The following HUNK variants were observed in gnomAD, a reference collection of about 807,000 sequenced individuals.
HUNK encodes hormonally up-regulated neu tumor-associated kinase.
In HUNK, 21 loss-of-function variants were observed where a neutral mutation model predicts 61.0. That is an observed-to-expected ratio of 0.34 (90% CI 0.24 to 0.50). The LOEUF is 0.50. Among genes scored for constraint, HUNK ranks in the 20% least tolerant of loss-of-function variants. The probability of loss-of-function intolerance (pLI) is 0.98; values close to 1 mark genes in which losing one functional copy is unlikely to be tolerated. For synonymous variants in HUNK, 371 were observed against 386.1 expected (o/e 0.96, Z 0.46); for missense variants, 772 against 945.7 (o/e 0.82, Z 2.41).
intron 9 of HUNK, among the ~76,000 whole-genome samples, chr21:31,990,700 T>G (rs2053166933): frequency 6.6e-6 from 1 of 151,972 alleles, no homozygotes; most frequent in African/African-American, 2.4e-5. Context: ...CACGCCTGGC[T>G]AGCTTTTGTA....
At chr21:31,899,835 T>G (rs1425076249) in intron 1 of HUNK, among the ~76,000 whole-genome samples, 1 of 151,946 alleles carries the variant, frequency 6.6e-6, no homozygotes, top group East Asian at 1.9e-4. Context: ...TGGAGTTCAG[T>G]GGTGCGTTCT....
chr21:31,923,193 C>T (rs989833345), intron 1 of HUNK, among the ~76,000 whole-genome samples: 5 of 152,182 alleles, frequency 3.3e-5, no homozygotes, highest in South Asian at 2.1e-4. Context: ...CCTTTGACGC[C>T]GGTGCTTTGG....
At chr21:31,948,847 A>G (rs116151008) in intron 4 of HUNK, among the ~76,000 whole-genome samples, 2,241 of 152,240 alleles carry the variant, frequency 0.015, 58 homozygotes, top group African/African-American at 0.051. Flanking sequence ...TTGAGAAGAA[A>G]CAGACCAGAA....
intron 6 of HUNK, among the ~76,000 whole-genome samples, chr21:31,971,199 C>T (rs991412264): frequency 6.6e-6 from 1 of 152,134 alleles, no homozygotes; most frequent in African/African-American, 2.4e-5. Context: ...CTGCCTCAGC[C>T]TCCTGAGTAG....
intron 3 of HUNK, among the ~76,000 whole-genome samples, chr21:31,942,211 A>G (rs2052773728): frequency 6.6e-6 from 1 of 152,246 alleles, no homozygotes; most frequent in South Asian, 2.1e-4. Flanking sequence ...CTCCGTCTCA[A>G]AAAGACTGAG....
chr21:31,967,062 T>C (rs1402279268), intron 5 of HUNK, among the ~76,000 whole-genome samples: 1 of 152,120 alleles, frequency 6.6e-6, no homozygotes, highest in Non-Finnish European at 1.5e-5. Flanking sequence ...AGAAGGGCCT[T>C]CATGGGTTGG....
At chr21:31,985,111 G>C (rs368309097) in intron 8 of HUNK, among the ~76,000 whole-genome samples, 1 of 152,190 alleles carries the variant, frequency 6.6e-6, no homozygotes, top group Non-Finnish European at 1.5e-5. Context: ...ATCTCCACCT[G>C]TCCCCGCCCT....
chr21:31,954,665 G>T (rs1307179122), intron 4 of HUNK, among the ~76,000 whole-genome samples: 1 of 152,236 alleles, frequency 6.6e-6, no homozygotes, highest in African/African-American at 2.4e-5. Context: ...TTCTTCCAGG[G>T]CTTTCCAATT....
chr21:31,928,019 C>A (rs939662491), intron 2 of HUNK, among the ~76,000 whole-genome samples: 10 of 152,168 alleles, frequency 6.6e-5, no homozygotes, highest in African/African-American at 2.4e-4. Flanking sequence ...TTGGCTCTTC[C>A]CAACAATACC....
intron 7 of HUNK, among the ~76,000 whole-genome samples, chr21:31,977,215 G>T (rs1052302391): frequency 1.3e-5 from 2 of 152,080 alleles, no homozygotes; most frequent in African/African-American, 4.8e-5. Flanking sequence ...TATGTTGCAG[G>T]TGCCTGCTTA....
At position 31,998,684 on chromosome 21, in the gene HUNK, C is replaced by T. The variant is rs746927543; in HGVS notation, c.1645C>T (p.His549Tyr). The T allele has an allele frequency of 1.9e-6, 3 of 1,614,052 alleles. No homozygotes were observed. Among genetic ancestry groups the T allele is most frequent in the Non-Finnish European group, 2.5e-6 (3 of 1,180,034 alleles). ...QPGPGSTGIP[H>Y]KEDPLMLDMV... Reference sequence around the variant, plus strand: ...AGGGCCCGGAAGCACTGGCATCCCCCACAAGGAAGACCCCCTGATGCTGGA... The same window carrying T: ...AGGGCCCGGAAGCACTGGCATCCCCTACAAGGAAGACCCCCTGATGCTGGA... Residue 549 changes from histidine (H) to tyrosine (Y), a missense_variant, in exon 11 of 11, where the codon CAC becomes TAC. By Grantham distance (83) the His-to-Tyr change is moderately conservative. Around this residue, in one of 2 missense-constraint regions of HUNK, gnomAD observed 413 missense variants for 444.4 expected, o/e 0.93. Transcript: ENST00000270112.
At chr21:31,915,078 G>A (rs541004626) in intron 1 of HUNK, among the ~76,000 whole-genome samples, 56 of 145,994 alleles carry the variant, frequency 3.8e-4, no homozygotes, top group African/African-American at 1.2e-3. Flanking sequence ...TTTTATATTT[G>A]CTTAGTATCC....
At chr21:31,975,253 G>A (rs764185794) in intron 7 of HUNK, among the ~76,000 whole-genome samples, 13 of 152,170 alleles carry the variant, frequency 8.5e-5, no homozygotes, top group Non-Finnish European at 1.9e-4. Flanking sequence ...GGTGTCACCC[G>A]CGAGGTACCT....
intron 1 of HUNK, among the ~76,000 whole-genome samples, chr21:31,908,955 T>A (rs1408368358): frequency 6.6e-6 from 1 of 152,168 alleles, no homozygotes; most frequent in Non-Finnish European, 1.5e-5. Context: ...ACACACGGTC[T>A]CAAAAAACTT....
At chr21:31,897,592 A>G (rs909155814) in intron 1 of HUNK, among the ~76,000 whole-genome samples, 15 of 152,184 alleles carry the variant, frequency 9.9e-5, no homozygotes, top group Non-Finnish European at 1.5e-5. Flanking sequence ...CTCTATTTCC[A>G]AATAAGGCCA....
At chr21:31,892,623 G>C (rs1784024578) in intron 1 of HUNK, among the ~76,000 whole-genome samples, 1 of 150,044 alleles carries the variant, frequency 6.7e-6, no homozygotes, top group African/African-American at 2.4e-5. Context: ...GTAGTTGGTT[G>C]TTCTCTTCAT....
chr21:31,907,897 G>A (rs977794313), intron 1 of HUNK, among the ~76,000 whole-genome samples: 9 of 152,070 alleles, frequency 5.9e-5, no homozygotes, highest in Admixed American at 5.9e-4. Context: ...GGCTGAGGTG[G>A]GAGGATCACT....
chr21:32,001,845 G>A lies in HUNK; in HGVS notation c.*2661G>A, dbSNP rs2053248532. On this transcript the variant is annotated 3_prime_UTR_variant, in exon 11 of 11. Transcript: ENST00000270112. ...TGCCTGTGATTCCAGTCACCCTGTA[G>A]TTACTGACAGAAATTGACTGGACTG... is the stretch of plus-strand genomic sequence containing the variant. 6.6e-6 allele frequency: 1 copy of A among 152,598 alleles called. No individual in the cohort carries two copies. Among genetic ancestry groups the A allele is most frequent in the Admixed American group, 6.5e-5 (1 of 15,286 alleles). 9.5% of individuals were successfully genotyped at this position (152,598 alleles called of 1,614,324 possible).
At chr21:31,938,643 G>T (rs1397445984) in intron 2 of HUNK, among the ~76,000 whole-genome samples, 2 of 152,182 alleles carry the variant, frequency 1.3e-5, no homozygotes, top group African/African-American at 4.8e-5. Flanking sequence ...AGAGGAAAAA[G>T]AAACATTTCT....
Sources: gnomAD v4.1 joint callset for allele counts (sites outside exome capture counted in the v4.1 genomes callset) on GRCh38, gnomAD v4.1.1 for gene constraint, gnomAD v4.1.1 regional missense constraint, MANE v1.5 for transcripts, NCBI Gene and HGNC (gene_info 2026-07-23, HGNC 2026-07-21) for gene names.